Variants in ST7 observed in about 807,000 individuals in gnomAD.
ST7 encodes the protein suppression of tumorigenicity 7, also known as suppressor of tumorigenicity 7 protein.
A neutral mutation model predicts 78.7 loss-of-function variants in ST7; 28 were observed. The ratio of observed to expected loss-of-function variants is 0.36; its 90% CI spans 0.26 to 0.49. The LOEUF (loss-of-function observed/expected upper bound fraction) is 0.49. ST7 is among the 20% of genes least tolerant of loss of function. ST7 has a pLI of 0.99. For synonymous variants in ST7, 247 were observed against 249.6 expected (o/e 0.99, Z 0.10); for missense variants, 418 against 696.0 (o/e 0.60, Z 4.49).
intron 15 of ST7, chr7:117,222,753 A>C: frequency 1.1e-6 from 1 of 872,550 alleles, no homozygotes; most frequent in South Asian, 1.5e-5. Context: ...AGAAGGAATA[A>C]GGAAAACAGT....
At chr7:117,163,403 A>G (rs959562540) in intron 9 of ST7, among the ~76,000 whole-genome samples, 4 of 152,190 alleles carry the variant, frequency 2.6e-5, no homozygotes, top group Non-Finnish European at 5.9e-5. Context: ...CCAAAAGTGT[A>G]TAAGAATTGC....
intron 5 of ST7, 103 bp from the exon 6 acceptor site, chr7:117,131,782 C>T: frequency 2.9e-6 from 3 of 1,024,916 alleles, no homozygotes; most frequent in East Asian, 2.4e-5. Flanking sequence ...GAAATATGTT[C>T]TTGTAATTTA....
chr7:117,002,546 C>T (rs1794977524), intron 1 of ST7, among the ~76,000 whole-genome samples: 1 of 151,816 alleles, frequency 6.6e-6, no homozygotes, highest in Admixed American at 6.6e-5. Flanking sequence ...TAATTACCTC[C>T]AGTTAATAGC....
At chr7:117,133,563 G>A (rs1584433839) in intron 6 of ST7, among the ~76,000 whole-genome samples, 1 of 151,220 alleles carries the variant, frequency 6.6e-6, no homozygotes, top group Non-Finnish European at 1.5e-5. Context: ...TTATTATGTT[G>A]TTTGTCTTTT....
intron 1 of ST7, among the ~76,000 whole-genome samples, chr7:116,976,515 A>G (rs1484701258): frequency 6.6e-6 from 1 of 152,186 alleles, no homozygotes; most frequent in Non-Finnish European, 1.5e-5. Flanking sequence ...TTCCTCATGG[A>G]AAGTGGCAGA....
At chr7:117,094,900 T>C (rs1800905680) in intron 1 of ST7, among the ~76,000 whole-genome samples, 1 of 152,218 alleles carries the variant, frequency 6.6e-6, no homozygotes, top group South Asian at 2.1e-4. Flanking sequence ...TATTGCTGAT[T>C]ATTATCTTAA....
chr7:116,975,501 G>A (rs1258187330), intron 1 of ST7, among the ~76,000 whole-genome samples: 3 of 151,890 alleles, frequency 2.0e-5, no homozygotes, highest in African/African-American at 4.8e-5. Flanking sequence ...TCCACCTCCC[G>A]GGTTCAAGCG....
chr7:117,097,908 AT>A (rs751549285), intron 1 of ST7, among the ~76,000 whole-genome samples: 13 of 30,006 alleles, frequency 4.3e-4, no homozygotes, highest in Non-Finnish European at 6.5e-4. Context: ...ATATATATAT[AT>A]TTTTTTTTTT....
intron 1 of ST7, among the ~76,000 whole-genome samples, chr7:117,049,746 C>A (rs773478862): frequency 2.0e-4 from 30 of 152,154 alleles, no homozygotes; most frequent in Non-Finnish European, 4.1e-4. Flanking sequence ...TGGTGGGCAA[C>A]CACAGCTGGA....
rs865974093 is a variant in ST7 at position 116,953,858 on chromosome 7, C to T, written c.151+167C>T. 146 of 272,258 alleles carry T rather than the reference C, an allele frequency of 5.4e-4. No individual in the cohort carries two copies. In the Middle Eastern group the frequency reaches 7.5e-3, roughly 14 times the overall value. 16.9% of individuals were successfully genotyped at this position (272,258 alleles called of 1,614,324 possible). On this transcript the variant is annotated intron_variant, in intron 1 of 15. Coordinates refer to ENST00000323984, the MANE Select transcript of ST7 (RefSeq NM_001369598.1). ...CAACGCGGCGGCTTAGGCGGCGGGG[C>T]CGGGCAGCTGGGCGCGCGGGGGCGG...
chr7:117,090,331 T>C (rs550164100), intron 1 of ST7, among the ~76,000 whole-genome samples: 2 of 152,266 alleles, frequency 1.3e-5, no homozygotes, highest in East Asian at 3.9e-4. Flanking sequence ...TATATTTTCT[T>C]ATGAAGGTTA....
rs369099100 is a variant in ST7, at chr7:117,023,805, C to CGT, written c.151+70130_151+70131dup. Among the ~76,000 whole-genome samples, 385 of 146,012 alleles carry CGT rather than the reference C, an allele frequency of 2.6e-3. 2 individuals are homozygous for CGT. The highest frequency in any genetic ancestry group is 7.1e-3 in the African/African-American group (284 of 39,982). ...TATATATATATATATCGTGTGTGTG[C>CGT]GTGTGTGTGTGTGTGTGACGGAGTC... On this transcript the variant is annotated intron_variant, in intron 1 of 15. Transcript: ENST00000323984.
chr7:116,980,022 G>A lies in ST7; in HGVS notation c.151+26331G>A, dbSNP rs539306240. ...CGCATGGGCTGGAGTGCAGTGCTGC[G>A]ATCTCGGCTCACTGCAACCTCCGGC... On this transcript the variant is annotated intron_variant, in intron 1 of 15. Transcript: ENST00000323984. Among the ~76,000 whole-genome samples, 12 of 118,342 alleles carry A rather than the reference G, an allele frequency of 1.0e-4. No homozygotes were observed. In the South Asian group the frequency reaches 2.2e-3, roughly 21 times the overall value. 77.6% of individuals were successfully genotyped at this position (118,342 alleles called of 152,430 possible). A position where few individuals can be genotyped will look rare whatever the true frequency, so the allele number is the denominator to read the frequency against.
intron 3 of ST7, among the ~76,000 whole-genome samples, chr7:117,126,108 G>T (rs1005072427): frequency 6.6e-6 from 1 of 151,906 alleles, no homozygotes; most frequent in African/African-American, 2.4e-5. Flanking sequence ...AACAACAAAA[G>T]TTGCTGCTAC....
chr7:117,105,678 G>A (rs1306912403), intron 2 of ST7, among the ~76,000 whole-genome samples: 2 of 152,218 alleles, frequency 1.3e-5, no homozygotes, highest in African/African-American at 2.4e-5. Flanking sequence ...ACAATCTGTT[G>A]TGTATTTCAG....
chr7:116,975,689 T>C (rs958296322), intron 1 of ST7, among the ~76,000 whole-genome samples: 18 of 152,022 alleles, frequency 1.2e-4, no homozygotes, highest in Admixed American at 5.9e-4. Context: ...ATTACAGGCA[T>C]GAACCACCAT....
At chr7:117,120,582 A>G (rs532215502) in intron 3 of ST7, among the ~76,000 whole-genome samples, 95 of 152,304 alleles carry the variant, frequency 6.2e-4, no homozygotes, top group Non-Finnish European at 1.2e-3. Flanking sequence ...CATGTTTCTC[A>G]TGACGCTCTG....
intron 10 of ST7, among the ~76,000 whole-genome samples, chr7:117,183,040 G>A (rs913213384): frequency 2.0e-5 from 3 of 152,142 alleles, no homozygotes; most frequent in Non-Finnish European, 2.9e-5. Flanking sequence ...CAAGTAAAAT[G>A]TTATGGAGGT....
At chr7:117,156,429 C>A (rs1806691870) in intron 9 of ST7, among the ~76,000 whole-genome samples, 1 of 152,152 alleles carries the variant, frequency 6.6e-6, no homozygotes, top group Non-Finnish European at 1.5e-5. Flanking sequence ...GTACAGTGGG[C>A]ATTGTGCTTG....
Sources: allele counts gnomAD v4.1 joint callset (sites outside exome capture counted in the v4.1 genomes callset), GRCh38; gene constraint gnomAD v4.1.1; transcripts MANE v1.5; gene names NCBI Gene and HGNC (gene_info 2026-07-23, HGNC 2026-07-21).